The following TRA2B variants were observed in gnomAD, a reference collection of about 807,000 sequenced individuals.
TRA2B encodes the protein transformer-2 protein homolog beta.
A neutral mutation model predicts 41.7 loss-of-function variants in TRA2B; 14 were observed. The ratio of observed to expected loss-of-function variants is 0.34; its 90% CI spans 0.22 to 0.53. The LOEUF (loss-of-function observed/expected upper bound fraction) is 0.53, where lower values mean the gene tolerates loss of function less well. TRA2B is among the 20% of genes least tolerant of loss of function. The pLI is 0.95. For missense variants in TRA2B, 167 were observed against 396.8 expected (o/e 0.42, Z 4.92); for synonymous variants, 130 against 128.8 (o/e 1.01, Z -0.06).
Position 185,937,959 on chromosome 3 carries a change from C to A in TRA2B, c.-99G>T, listed in dbSNP as rs1324124520. 36 of 1,475,976 alleles carry A rather than the reference C, an allele frequency of 2.4e-5. No individual in the cohort carries two copies. Among genetic ancestry groups the A allele is most frequent in the Non-Finnish European group, 3.2e-5 (34 of 1,074,522 alleles). The allele number at this position is 1,475,976 out of a possible 1,614,324, so 91.4% of individuals were successfully genotyped here. A position where few individuals can be genotyped will look rare whatever the true frequency, so the allele number is the denominator to read the frequency against. ...CTCCGCCGCAGCCCCGCACGACGCG[C>A]CGGTCGCCCAGCCGCTCAGAGCCGA... On this transcript the variant is annotated 5_prime_UTR_variant, in exon 1 of 9. Transcript: ENST00000453386.
chr3:185,935,512 T>A, intron 1 of TRA2B: 1 of 985,358 alleles, frequency 1.0e-6, no homozygotes, highest in Non-Finnish European at 1.2e-6. Context: ...ACTCCTACAG[T>A]CACTGGAAAA....
intron 1 of TRA2B, chr3:185,931,466 G>A (rs974305637): frequency 2.7e-4 from 211 of 770,184 alleles, no homozygotes; most frequent in Non-Finnish European, 3.1e-4. Flanking sequence ...TAATTTAAAC[G>A]TTTCCCCTGG....
intron 6 of TRA2B, among the ~76,000 whole-genome samples, chr3:185,919,711 T>A (rs1010711611): frequency 6.6e-6 from 1 of 151,590 alleles, no homozygotes; most frequent in South Asian, 2.1e-4. Context: ...AAGTAAATGC[T>A]CTTAAAAAAA....
chr3:185,936,675 TG>T (rs146516773), intron 1 of TRA2B: 66,240 of 969,034 alleles, frequency 0.068, 2,376 homozygotes, highest in African/African-American at 0.24. Context: ...GGTAACAAAT[TG>T]TTTTTTTTTT....
chr3:185,924,162 G>A lies in TRA2B; in HGVS notation c.334-178C>T, dbSNP rs150722623. On this transcript the variant is annotated intron_variant, in intron 3 of 8. Coordinates refer to ENST00000453386, the MANE Select transcript of TRA2B (RefSeq NM_004593.3). ...AGTACTACAAGTATTTTTGGGAATG[G>A]GTAGGAAAGAATGCAAAAGAAAAAA... 3.1e-3 allele frequency: 1,458 copies of A among 475,612 alleles called. 17 individuals carry two copies. Among genetic ancestry groups the A allele is most frequent in the African/African-American group, 0.027 (1,339 of 50,022 alleles). The allele number at this position is 475,612 out of a possible 1,614,324, so 29.5% of individuals were successfully genotyped here. A position where few individuals can be genotyped will look rare whatever the true frequency, so the allele number is the denominator to read the frequency against.
intron 1 of TRA2B, chr3:185,928,437 C>T (rs1293508127): frequency 6.6e-6 from 1 of 152,174 alleles, no homozygotes. Flanking sequence ...TGAACAGCTG[C>T]CTTTAACATC....
At chr3:185,920,960 A>G in intron 6 of TRA2B, 144 bp downstream of exon 6, 2 of 534,922 alleles carry the variant, frequency 3.7e-6, no homozygotes, top group East Asian at 2.9e-5. Context: ...ACAGAACCTT[A>G]GAATCTGATT....
At chr3:185,922,304 G>A in intron 4 of TRA2B, 178 bp from the exon 5 acceptor site, 1 of 434,002 alleles carries the variant, frequency 2.3e-6, no homozygotes, top group Non-Finnish European at 4.1e-6. Context: ...ATGTTCATTT[G>A]TAAAAGCTAC....
intron 1 of TRA2B, chr3:185,934,307 C>A (rs1437211391): frequency 6.1e-6 from 6 of 984,136 alleles, no homozygotes; most frequent in African/African-American, 5.2e-5. Context: ...ATATTTACCA[C>A]CTACGTTCGG....
At chr3:185,933,732 G>GA (rs1216743379) in intron 1 of TRA2B, among the ~76,000 whole-genome samples, 1 of 151,896 alleles carries the variant, frequency 6.6e-6, no homozygotes, top group Non-Finnish European at 1.5e-5. Flanking sequence ...ATAGTGTCTG[G>GA]AAAAAAACAT....
chr3:185,936,639 T>C (rs777176865), intron 1 of TRA2B: 26 of 985,024 alleles, frequency 2.6e-5, no homozygotes, highest in Non-Finnish European at 3.1e-5. Context: ...GATCTTAAGG[T>C]AGCTTTACCA....
In TRA2B at chr3:185,934,866, T is replaced by C. The variant is rs1019253885; in HGVS notation, c.36+2959A>G. The C allele has an allele frequency of 3.0e-6, 3 of 985,366 alleles. No homozygotes were observed. In the African/African-American group the frequency reaches 5.2e-5, roughly 17 times the overall value. The allele number at this position is 985,366 out of a possible 1,614,324, so 61.0% of individuals were successfully genotyped here. On this transcript the variant is annotated intron_variant, in intron 1 of 8. Transcript: ENST00000453386. ...GCCTATGTTGCAATCACATCGGCTT[T>C]ACAAAAATAATAGCCAGTATTCTAT...
intron 2 of TRA2B, among the ~76,000 whole-genome samples, chr3:185,925,887 C>T (rs373971525): frequency 1.4e-4 from 21 of 152,298 alleles, no homozygotes; most frequent in African/African-American, 4.3e-4. Flanking sequence ...AATCAAGGCA[C>T]GCAGCATTTT....
At position 185,934,312 on chromosome 3, in the gene TRA2B, G is replaced by A. The variant is rs918015073; in HGVS notation, c.36+3513C>T. On this transcript the variant is annotated intron_variant, in intron 1 of 8. Coordinates refer to ENST00000453386, the MANE Select transcript of TRA2B (RefSeq NM_004593.3). ...GAAAGCATTAATATTTACCACCTAC[G>A]TTCGGATTTTATTGTAGAGAAAGGA... 4 of 984,418 alleles carry A rather than the reference G, an allele frequency of 4.1e-6. No homozygotes were observed. The African/African-American group carries it at 7.0e-5, about 17-fold the overall frequency. The allele number at this position is 984,418 out of a possible 1,614,324, so 61.0% of individuals were successfully genotyped here.
intron 6 of TRA2B, among the ~76,000 whole-genome samples, chr3:185,919,769 T>C (rs1018599407): frequency 6.6e-6 from 1 of 152,136 alleles, no homozygotes; most frequent in South Asian, 2.1e-4. Context: ...TTTGTACCTT[T>C]AGTACCATTC....
intron 1 of TRA2B, chr3:185,936,368 C>G: frequency 1.0e-6 from 1 of 985,306 alleles, no homozygotes; most frequent in African/African-American, 1.7e-5. Context: ...AAAAAAAAAT[C>G]TAAAACACTC....
Position 185,918,384 on chromosome 3 carries a change from T to C in TRA2B, c.837A>G (p.Arg279=). ...ACTTACGAGGTGAGTATGATCGAGA[T>C]CTGGAACGTGATCTGTATCCTCCAC... The part of the protein sequence containing the change: ...YSRGGYRSRS[R]SRSYSPRRY The change falls in exon 8 of 9, where the codon AGA becomes AGG. Residue 279 remains arginine, a synonymous_variant. Transcript: ENST00000453386. 2 of 1,613,698 alleles carry C rather than the reference T, an allele frequency of 1.2e-6. No individual in the cohort carries two copies. The highest frequency in any genetic ancestry group is 1.7e-6 in the Non-Finnish European group (2 of 1,179,746).
intron 8 of TRA2B, 102 bp downstream of exon 8, chr3:185,918,263 T>C (rs1743579203): frequency 2.4e-6 from 2 of 838,646 alleles, no homozygotes; most frequent in Admixed American, 2.3e-5. Flanking sequence ...TCATTAGGTA[T>C]GAAACTACCT....
In TRA2B at chr3:185,914,796, A is replaced by G. The variant is rs548104077; in HGVS notation, c.*2919T>C. ...ATAAATCCAGCCTAATCCATCCTCA[A>G]AATTTCCATATAATTTACAGAAATT... On this transcript the variant is annotated 3_prime_UTR_variant, in exon 9 of 9. Coordinates refer to ENST00000453386, the MANE Select transcript of TRA2B (RefSeq NM_004593.3). Among the ~76,000 whole-genome samples the G allele has an allele frequency of 5.9e-5, 9 of 152,184 alleles. No homozygotes were observed. The highest frequency in any genetic ancestry group is 2.2e-4 in the African/African-American group (9 of 41,524).
Sources: gnomAD v4.1 joint callset for allele counts (sites outside exome capture counted in the v4.1 genomes callset) on GRCh38, gnomAD v4.1.1 for gene constraint, MANE v1.5 for transcripts, NCBI Gene and HGNC (gene_info 2026-07-23, HGNC 2026-07-21) for gene names.